Variants in CELSR1 observed in about 807,000 individuals in gnomAD.
The protein encoded by CELSR1 is adhesion G protein-coupled receptor C1.
In CELSR1, 110 loss-of-function variants were observed where a neutral mutation model predicts 249.1. The ratio of observed to expected loss-of-function variants is 0.44; its 90% CI spans 0.38 to 0.52. CELSR1 has a LOEUF of 0.52. Ranked by LOEUF, CELSR1 falls within the 20% of genes least tolerant of loss-of-function variation. CELSR1 has a pLI of 0.00. For synonymous variants in CELSR1, 2,113 were observed against 1,900.0 expected (o/e 1.11, Z -2.92); for missense variants, 4,109 against 4,296.4 (o/e 0.96, Z 1.22).
chr22:46,402,571 T>TA lies in CELSR1; in HGVS notation c.5227-2670dup, dbSNP rs1324246048. On this transcript the variant is annotated intron_variant, in intron 9 of 34. Coordinates refer to ENST00000674500, the MANE Select transcript of CELSR1 (RefSeq NM_001378328.1). This position sits in a 1 kb window ranked among gnomAD's most constrained non-coding sequence, Gnocchi z 5.0. ...TTTCAATAAAATGTCTAGCACTCAA[T>TA]AAAAAATAGCCAAGTATACGAGGAT... Among the ~76,000 whole-genome samples the TA allele has an allele frequency of 1.3e-5, 2 of 152,028 alleles. No homozygotes were observed. The highest frequency in any genetic ancestry group is 4.8e-5 in the African/African-American group (2 of 41,392).
chr22:46,418,150 A>C (rs2079424543), intron 5 of CELSR1, among the ~76,000 whole-genome samples: 1 of 152,238 alleles, frequency 6.6e-6, no homozygotes. Context: ...TGGTTTTCTC[A>C]AGTTTTGCTG....
chr22:46,380,296 G>A lies in CELSR1; in HGVS notation c.7256+492C>T, dbSNP rs981452237. Among the ~76,000 whole-genome samples, 3 of 152,192 alleles carry A rather than the reference G, an allele frequency of 2.0e-5. No individual in the cohort carries two copies. Among genetic ancestry groups the A allele is most frequent in the African/African-American group, 7.2e-5 (3 of 41,444 alleles). ...AAACGGGCCAGATAAACTGTGCTGC[G>A]GCCAGGTGTGGCCTCTTGGGGGTGA... On this transcript the variant is annotated intron_variant, in intron 22 of 34. Coordinates refer to ENST00000674500, the MANE Select transcript of CELSR1 (RefSeq NM_001378328.1). The surrounding 1 kb of genome is among the most constrained non-coding windows in gnomAD (Gnocchi z 5.1).
In CELSR1 at chr22:46,441,542, G is replaced by A. The variant is rs931494157; in HGVS notation, c.4184-2131C>T. On this transcript the variant is annotated intron_variant, in intron 2 of 34. Coordinates refer to ENST00000674500, the MANE Select transcript of CELSR1 (RefSeq NM_001378328.1). The surrounding 1 kb of genome is among the most constrained non-coding windows in gnomAD (Gnocchi z 6.1). ...ACACTTACTTCCCAGAGCTCTGGAG[G>A]TTGGAAGCCCAACATCACGCTTCCA... Among the ~76,000 whole-genome samples the A allele has an allele frequency of 1.3e-5, 2 of 152,182 alleles. No individual in the cohort carries two copies. The highest frequency in any genetic ancestry group is 6.5e-5 in the Admixed American group (1 of 15,284).
At chr22:46,385,795 A>T (rs2079026320) in intron 19 of CELSR1, among the ~76,000 whole-genome samples, 1 of 149,012 alleles carries the variant, frequency 6.7e-6, no homozygotes, top group East Asian at 2.0e-4. Flanking sequence ...CTCCTGCCTC[A>T]GCCTCCCGAG....
rs1339350757 is a variant in CELSR1 at position 46,428,019 on chromosome 22, G to A, written c.4611+5374C>T. On this transcript the variant is annotated intron_variant, in intron 5 of 34. Coordinates refer to ENST00000674500, the MANE Select transcript of CELSR1 (RefSeq NM_001378328.1). The surrounding 1 kb of genome is among the most constrained non-coding windows in gnomAD (Gnocchi z 5.7). Reference sequence around the variant, plus strand: ...TTTAATGTGCAGCACAGACCCAAGAGGTTTTGAATGACCTGACAAGCAACA... The same window carrying A: ...TTTAATGTGCAGCACAGACCCAAGAAGTTTTGAATGACCTGACAAGCAACA... Among the ~76,000 whole-genome samples, 2 of 152,154 alleles carry A rather than the reference G, an allele frequency of 1.3e-5. No homozygotes were observed. The highest frequency in any genetic ancestry group is 2.9e-5 in the Non-Finnish European group (2 of 68,006).
In CELSR1 at chr22:46,409,984, G is replaced by T; in HGVS notation, c.4934-104C>A. ...ACCAGGACGGAATGGACCCGGGGCT[G>T]GACAGAAGTCAGACCAGGTCTGAAC... On this transcript the variant is annotated intron_variant, in intron 7 of 34. Coordinates refer to ENST00000674500, the MANE Select transcript of CELSR1 (RefSeq NM_001378328.1). The surrounding 1 kb of genome is among the most constrained non-coding windows in gnomAD (Gnocchi z 9.8). The T allele has an allele frequency of 6.7e-7, 1 of 1,499,524 alleles. No individual in the cohort carries two copies. Among genetic ancestry groups the T allele is most frequent in the Non-Finnish European group, 9.1e-7 (1 of 1,101,518 alleles). 92.9% of individuals were successfully genotyped at this position (1,499,524 alleles called of 1,614,324 possible). A position where few individuals can be genotyped will look rare whatever the true frequency, so the allele number is the denominator to read the frequency against.
At chr22:46,442,318 C>T (rs2079760852) in intron 2 of CELSR1, among the ~76,000 whole-genome samples, 1 of 152,262 alleles carries the variant, frequency 6.6e-6, no homozygotes, top group African/African-American at 2.4e-5. Flanking sequence ...ACTGCCCTCG[C>T]TGGGGCAGCC....
In CELSR1 at chr22:46,379,347, A is replaced by G. The variant is rs114906330; in HGVS notation, c.7257-630T>C. ...GGGCCCTGCCCTCGCAGACTCTGGG[A>G]AAAATCACATAACCTCTCAGATCCT... On this transcript the variant is annotated intron_variant, in intron 22 of 34. Transcript: ENST00000674500. Among the ~76,000 whole-genome samples, 361 of 151,940 alleles carry G rather than the reference A, an allele frequency of 2.4e-3. 3 individuals are homozygous for G. The highest frequency in any genetic ancestry group is 8.5e-3 in the African/African-American group (352 of 41,194).
chr22:46,402,143 G>A lies in CELSR1; in HGVS notation c.5227-2241C>T, dbSNP rs1173066242. ...GCATTCAAGTGCTCTGGGAGGGAAA[G>A]TGCTCCTAGTGGTTGCCAGAAGCAA... On this transcript the variant is annotated intron_variant, in intron 9 of 34. Transcript: ENST00000674500. This position sits in a 1 kb window ranked among gnomAD's most constrained non-coding sequence, Gnocchi z 5.0. Among the ~76,000 whole-genome samples the A allele has an allele frequency of 6.6e-6, 1 of 152,010 alleles. No individual in the cohort carries two copies. Among genetic ancestry groups the A allele is most frequent in the African/African-American group, 2.4e-5 (1 of 41,418 alleles).
intron 32 of CELSR1, 70 bp downstream of exon 32, chr22:46,365,161 C>CCATA: frequency 6.5e-7 from 1 of 1,539,296 alleles, no homozygotes; most frequent in Non-Finnish European, 8.7e-7. Context: ...AGGGACCCAG[C>CCATA]CATAGCCAAG....
In CELSR1 at chr22:46,436,410, G is replaced by C. The variant is rs1053186793; in HGVS notation, c.4407-121C>G. The C allele has an allele frequency of 1.1e-5, 7 of 658,208 alleles. No homozygotes were observed. In the African/African-American group the frequency reaches 1.3e-4, roughly 12 times the overall value. The allele number at this position is 658,208 out of a possible 1,614,324, so 40.8% of individuals were successfully genotyped here. On this transcript the variant is annotated intron_variant, in intron 3 of 34. Transcript: ENST00000674500. The surrounding 1 kb of genome is among the most constrained non-coding windows in gnomAD (Gnocchi z 5.9). ...TGGGGCTACGATTCAGGAAAGAATG[G>C]TGTCAGGCATGCGTCCTTCTCATAG...
intron 1 of CELSR1, among the ~76,000 whole-genome samples, chr22:46,494,679 G>A (rs2080396934): frequency 6.6e-6 from 1 of 151,914 alleles, no homozygotes; most frequent in East Asian, 1.9e-4. Context: ...GCTAATTTCT[G>A]TATTTTTAGT....
chr22:46,469,996 GAGGGA>G (rs2080138896), intron 1 of CELSR1, among the ~76,000 whole-genome samples: 1 of 133,906 alleles, frequency 7.5e-6, no homozygotes, highest in Admixed American at 7.4e-5. Context: ...GGGAGGGAGG[GAGGGA>G]GAGGCAAAGG....
chr22:46,460,190 CA>C (rs1403588654), intron 2 of CELSR1, among the ~76,000 whole-genome samples: 44 of 93,956 alleles, frequency 4.7e-4, no homozygotes, highest in African/African-American at 1.8e-3. Flanking sequence ...CACACACACA[CA>C]CACACACACA....
chr22:46,434,601 T>C lies in CELSR1; in HGVS notation c.4523-1120A>G, dbSNP rs113354044. 8.6e-3 allele frequency among the ~76,000 whole-genome samples: 1,303 copies of C among 152,292 alleles called. 21 individuals carry two copies. The highest frequency in any genetic ancestry group is 0.03 in the African/African-American group (1,227 of 41,550). On this transcript the variant is annotated intron_variant, in intron 4 of 34. Transcript: ENST00000674500. The surrounding 1 kb of genome is among the most constrained non-coding windows in gnomAD (Gnocchi z 4.9). ...GCTCCATCCTCCACCATCACACACA[T>C]GTCATTCAACACGGGCCAGGGTTCT...
At chr22:46,476,484 T>TA (rs1248931912) in intron 1 of CELSR1, among the ~76,000 whole-genome samples, 1 of 151,414 alleles carries the variant, frequency 6.6e-6, no homozygotes, top group East Asian at 1.9e-4. Flanking sequence ...TGGTCCCAGC[T>TA]ACTCAGGAGG....
chr22:46,439,436 G>A (rs1181100492), intron 2 of CELSR1, 25 bp from the exon 3 acceptor site: 20 of 1,588,506 alleles, frequency 1.3e-5, no homozygotes, highest in Admixed American at 1.7e-5. Context: ...GAAGATGCCA[G>A]AGAGGAGGTT....
intron 1 of CELSR1, among the ~76,000 whole-genome samples, chr22:46,503,141 T>A (rs962590836): frequency 2.0e-5 from 3 of 152,128 alleles, no homozygotes; most frequent in African/African-American, 7.2e-5. Context: ...TGGACAAGAC[T>A]CAGCTTAGCT....
Position 46,445,456 on chromosome 22 carries a change from T to C in CELSR1, c.4184-6045A>G, listed in dbSNP as rs968494672. 5.3e-5 allele frequency among the ~76,000 whole-genome samples: 8 copies of C among 152,014 alleles called. No individual in the cohort carries two copies. Among genetic ancestry groups the C allele is most frequent in the Non-Finnish European group, 1.0e-4 (7 of 68,000 alleles). The stretch of plus-strand genomic sequence containing the variant: ...TTGCGGTGAACCAAAAATTGCACCA[T>C]TGCACTCCAGCCTGGGTGACAGAGC... On this transcript the variant is annotated intron_variant, in intron 2 of 34. Coordinates refer to ENST00000674500, the MANE Select transcript of CELSR1 (RefSeq NM_001378328.1). This position sits in a 1 kb window ranked among gnomAD's most constrained non-coding sequence, Gnocchi z 4.4.
Sources: allele counts gnomAD v4.1 joint callset (sites outside exome capture counted in the v4.1 genomes callset), GRCh38; gene constraint gnomAD v4.1.1; non-coding constraint Gnocchi (gnomAD v3.1); transcripts MANE v1.5; gene names NCBI Gene and HGNC (gene_info 2026-07-23, HGNC 2026-07-21).